The following DIO2 variants were observed in gnomAD, a reference collection of about 807,000 sequenced individuals.
DIO2 encodes iodothyronine deiodinase 2.
A neutral mutation model predicts 21.4 loss-of-function variants in DIO2; 19 were observed. The ratio of observed to expected loss-of-function variants is 0.89; its 90% confidence interval spans 0.62 to 1.30. DIO2 has a LOEUF of 1.30. Among genes scored for constraint, DIO2 ranks in the 50% most tolerant of loss-of-function variants. The pLI is 0.00. For synonymous variants in DIO2, 122 were observed against 132.9 expected (o/e 0.92, Z 0.57); for missense variants, 302 against 338.1 (o/e 0.89, Z 0.84).
Position 80,203,193 on chromosome 14 carries a change from T to A in DIO2, c.318A>T (p.Ile106=), listed in dbSNP as rs1387278650. ...GAAGGTGGCATGTGGCTCCCTCAGC[T>A]ATCTTCTCCTGGGTACCATTGCCAC... is the stretch of plus-strand genomic sequence containing the variant. ...DNSGNGTQEK[I]AEGATCHLLD... is the part of the protein sequence containing the mutation. The change falls in exon 2 of 2, where the codon ATA becomes ATT. Residue 106 remains isoleucine (I), a synonymous_variant. Coordinates refer to ENST00000438257, the MANE Select transcript of DIO2 (RefSeq NM_013989.5). The A allele has an allele frequency of 2.5e-6, 4 of 1,609,822 alleles. No individual in the cohort carries two copies. Among genetic ancestry groups the A allele is most frequent in the Non-Finnish European group, 3.4e-6 (4 of 1,178,152 alleles).
intron 1 of DIO2, chr14:80,205,467 AAT>A (rs1054117234): frequency 2.7e-5 from 13 of 474,848 alleles, no homozygotes; most frequent in Non-Finnish European, 4.1e-5. Flanking sequence ...ACCCATGAAC[AAT>A]TATGTGGCCT....
In DIO2 at chr14:80,200,817, C is replaced by T. The variant is rs150616232; in HGVS notation, c.*1872G>A. 4.5e-3 allele frequency: 689 copies of T among 152,278 alleles called. 4 individuals are homozygous for T. Among genetic ancestry groups the T allele is most frequent in the African/African-American group, 0.016 (652 of 41,558 alleles). The allele number at this position is 152,278 out of a possible 1,614,324, so 9.4% of individuals were successfully genotyped here. A position where few individuals can be genotyped will look rare whatever the true frequency, so the allele number is the denominator to read the frequency against. On this transcript the variant is annotated 3_prime_UTR_variant, in exon 2 of 2. Coordinates refer to ENST00000438257, the MANE Select transcript of DIO2 (RefSeq NM_013989.5). Reference sequence around the variant, plus strand: ...AGCTGGTGACACGACTGATATGTTGCTCCCATTTAAAAAATAAAATAAAAT... The same window carrying T: ...AGCTGGTGACACGACTGATATGTTGTTCCCATTTAAAAAATAAAATAAAAT...
chr14:80,227,181 C>A (rs539085991), intron 2 of DIO2, among the ~76,000 whole-genome samples: 1 of 152,326 alleles, frequency 6.6e-6, no homozygotes, highest in East Asian at 1.9e-4. Flanking sequence ...ATATCATGCA[C>A]AACCATCTGT....
chr14:80,216,772 G>T (rs913487904), intron 2 of DIO2: 1 of 152,030 alleles, frequency 6.6e-6, no homozygotes, highest in Non-Finnish European at 1.5e-5. Context: ...AGAAACAAAG[G>T]AAAATGGTCA....
chr14:80,222,016 G>A (rs1041961898), intron 2 of DIO2, among the ~76,000 whole-genome samples: 3 of 152,218 alleles, frequency 2.0e-5, no homozygotes, highest in Admixed American at 6.5e-5. Flanking sequence ...CCATATCACC[G>A]ATTACTGAGA....
intron 2 of DIO2, among the ~76,000 whole-genome samples, chr14:80,227,176 AT>A (rs1278065765): frequency 6.6e-6 from 1 of 152,182 alleles, no homozygotes; most frequent in Non-Finnish European, 1.5e-5. Flanking sequence ...CCTGCATATC[AT>A]GCACAACCAT....
At chr14:80,223,467 G>A (rs919275389) in intron 2 of DIO2, among the ~76,000 whole-genome samples, 4 of 152,102 alleles carry the variant, frequency 2.6e-5, no homozygotes, top group Non-Finnish European at 5.9e-5. Flanking sequence ...CAAATGTGAA[G>A]GAATTATACT....
intron 2 of DIO2, among the ~76,000 whole-genome samples, chr14:80,222,494 G>C (rs1303302993): frequency 6.6e-6 from 1 of 151,978 alleles, no homozygotes; most frequent in Non-Finnish European, 1.5e-5. Context: ...TAATAATGTT[G>C]GTTCCCATAA....
At position 80,203,153 on chromosome 14, in the gene DIO2, G is replaced by A. The variant is rs1490426699; in HGVS notation, c.358C>T (p.Pro120Ser). ...AAGTTGACCACTAGTGGGCGCTCAGGGCTGGCAAAGTCAAGAAGGTGGCAT... is the reference window on the plus strand; with the variant it reads ...AAGTTGACCACTAGTGGGCGCTCAGAGCTGGCAAAGTCAAGAAGGTGGCAT... ...ATCHLLDFAS[P>S]ERPLVVNFGS... is the part of the protein sequence containing the mutation. The change falls in exon 2 of 2, where the codon CCT (proline) becomes TCT (serine). Residue 120 changes from proline (P) to serine (S), a missense_variant. Physicochemically the swap from Pro to Ser is moderately conservative, Grantham distance 74 (BLOSUM62 -1). Coordinates refer to ENST00000438257, the MANE Select transcript of DIO2 (RefSeq NM_013989.5). 1 of 1,612,788 alleles carries A rather than the reference G, an allele frequency of 6.2e-7. No homozygotes were observed. The highest frequency in any genetic ancestry group is 1.7e-5 in the Admixed American group (1 of 59,810).
At chr14:80,220,115 C>T (rs1888437004) in intron 2 of DIO2, among the ~76,000 whole-genome samples, 1 of 151,996 alleles carries the variant, frequency 6.6e-6, no homozygotes, top group South Asian at 2.1e-4. Flanking sequence ...CGCTCTGTCG[C>T]CCAGGCTGGA....
rs930906841 is a variant in DIO2 at position 80,201,060 on chromosome 14, C to G, written c.*1629G>C. Reference sequence around the variant, plus strand: ...TATTTACCAAAAAGAAATTATGATACGAAAGTGGTTGGTCCATTCTTTTGG... The same window carrying G: ...TATTTACCAAAAAGAAATTATGATAGGAAAGTGGTTGGTCCATTCTTTTGG... On this transcript the variant is annotated 3_prime_UTR_variant, in exon 2 of 2. Coordinates refer to ENST00000438257, the MANE Select transcript of DIO2 (RefSeq NM_013989.5). 2 of 151,470 alleles carry G rather than the reference C, an allele frequency of 1.3e-5. No individual in the cohort carries two copies. Among genetic ancestry groups the G allele is most frequent in the Non-Finnish European group, 2.9e-5 (2 of 67,906 alleles). The allele number at this position is 151,470 out of a possible 1,614,324, so 9.4% of individuals were successfully genotyped here. A position where few individuals can be genotyped will look rare whatever the true frequency, so the allele number is the denominator to read the frequency against.
intron 2 of DIO2, among the ~76,000 whole-genome samples, chr14:80,228,894 G>C (rs1407684445): frequency 5.3e-5 from 8 of 152,162 alleles, no homozygotes; most frequent in Non-Finnish European, 2.9e-5. Context: ...GTGTCAAGTA[G>C]TCCCCAAAAT....
chr14:80,209,616 A>G (rs992012970), intron 1 of DIO2, among the ~76,000 whole-genome samples: 4 of 152,226 alleles, frequency 2.6e-5, no homozygotes, highest in African/African-American at 4.8e-5. Flanking sequence ...AATCAATTCA[A>G]TATCTACTTT....
chr14:80,214,268 GGA>G (rs1888297467), upstream of DIO2, among the ~76,000 whole-genome samples: 1 of 152,146 alleles, frequency 6.6e-6, no homozygotes, highest in African/African-American at 2.4e-5. Context: ...CCCCTGCAGT[GGA>G]GACTTCAGCA....
intron 1 of DIO2, among the ~76,000 whole-genome samples, chr14:80,208,182 T>G (rs962522578): frequency 1.3e-5 from 2 of 152,168 alleles, no homozygotes; most frequent in South Asian, 2.1e-4. Flanking sequence ...ACTGTTCAGA[T>G]GCAATGACGC....
intron 1 of DIO2, chr14:80,206,373 G>T: frequency 8.4e-7 from 1 of 1,196,596 alleles, no homozygotes; most frequent in Non-Finnish European, 1.2e-6. Flanking sequence ...TTTAGATATG[G>T]AAGTTTCCTT....
chr14:80,214,556 G>A (rs1472225600), upstream of DIO2, among the ~76,000 whole-genome samples: 1 of 152,030 alleles, frequency 6.6e-6, no homozygotes, highest in Non-Finnish European at 1.5e-5. Context: ...AGCCAATCTG[G>A]TTATGTCATT....
intron 2 of DIO2, among the ~76,000 whole-genome samples, chr14:80,224,687 C>G (rs1269320394): frequency 1.3e-5 from 2 of 152,086 alleles, no homozygotes; most frequent in African/African-American, 4.8e-5. Flanking sequence ...GTTATAGCAG[C>G]CACAGGAAAC....
At position 80,202,729 on chromosome 14, in the gene DIO2, T is replaced by C. The variant is rs1336149980; in HGVS notation, c.782A>G (p.Asn261Ser). ...LQEVRHWLEK[N>S]FSKRUKKTRL... Reference sequence around the variant, plus strand: ...AGTTTTCTTTCATCTCTTGCTGAAATTCTTCTCCAGCCAATGCCGGACTTC... The same window carrying C: ...AGTTTTCTTTCATCTCTTGCTGAAACTCTTCTCCAGCCAATGCCGGACTTC... The change falls in exon 2 of 2, where the codon AAT becomes AGT. Residue 261 changes from asparagine to serine, a missense_variant. By Grantham distance (46) the Asn-to-Ser change is conservative. Coordinates refer to ENST00000438257, the MANE Select transcript of DIO2 (RefSeq NM_013989.5). 1 of 1,613,728 alleles carries C rather than the reference T, an allele frequency of 6.2e-7. No homozygotes were observed. The highest frequency in any genetic ancestry group is 8.5e-7 in the Non-Finnish European group (1 of 1,179,834).
Sources: gnomAD v4.1 joint callset for allele counts (sites outside exome capture counted in the v4.1 genomes callset) on GRCh38, gnomAD v4.1.1 for gene constraint, MANE v1.5 for transcripts, NCBI Gene and HGNC (gene_info 2026-07-23, HGNC 2026-07-21) for gene names.